Variants in CYP7B1 observed in about 807,000 individuals in gnomAD.
The protein encoded by CYP7B1 is cytochrome P450 family 7 subfamily B member 1, also known as cytochrome P450 7B1.
In CYP7B1, 29 loss-of-function variants were observed where a neutral mutation model predicts 42.7. That is an observed-to-expected ratio of 0.68 (90% CI 0.51 to 0.93). The LOEUF (loss-of-function observed/expected upper bound fraction) is 0.93, where lower values mean the gene tolerates loss of function less well. CYP7B1 is among the 40% of genes least tolerant of loss of function. The pLI is 0.00. For missense variants in CYP7B1, 655 were observed against 600.5 expected, an observed-to-expected ratio of 1.09 and a Z score of -0.95; for synonymous variants, 235 against 218.2, an observed-to-expected ratio of 1.08 and a Z score of -0.68.
At chr8:64,648,744 G>A (rs1390278889) in intron 1 of CYP7B1, among the ~76,000 whole-genome samples, 1 of 152,180 alleles carries the variant, frequency 6.6e-6, no homozygotes, top group Non-Finnish European at 1.5e-5. Flanking sequence ...TGTAGAAGAT[G>A]CTATACAACT....
intron 1 of CYP7B1, among the ~76,000 whole-genome samples, chr8:64,692,375 C>T (rs368992084): frequency 6.6e-6 from 1 of 152,186 alleles, no homozygotes; most frequent in African/African-American, 2.4e-5. Context: ...CTGACAAATT[C>T]AGACTCCAAG....
intron 1 of CYP7B1, among the ~76,000 whole-genome samples, chr8:64,727,079 A>G (rs1368130919): frequency 2.6e-5 from 4 of 152,068 alleles, no homozygotes; most frequent in African/African-American, 9.7e-5. Context: ...ATGAAGTCAC[A>G]CTCTGGGAGA....
chr8:64,735,794 C>T (rs112873729), intron 1 of CYP7B1, among the ~76,000 whole-genome samples: 2,094 of 152,138 alleles, frequency 0.014, 57 homozygotes, highest in African/African-American at 0.046. Flanking sequence ...AGATGGGATC[C>T]TGGGAAAACT....
intron 1 of CYP7B1, among the ~76,000 whole-genome samples, chr8:64,786,311 G>C (rs1195855778): frequency 6.6e-6 from 1 of 152,162 alleles, no homozygotes; most frequent in Non-Finnish European, 1.5e-5. Context: ...TTCTGCCTAT[G>C]AGCCTGTAAA....
At position 64,624,120 on chromosome 8, in the gene CYP7B1, A is replaced by T. The variant is rs12164145; in HGVS notation, c.259+283T>A. Reference sequence around the variant, plus strand: ...AGCTTTTGTATAGTTATATATATATATTTTTTTTTCTACCATTCTTAAAAC... The same window carrying T: ...AGCTTTTGTATAGTTATATATATATTTTTTTTTTTCTACCATTCTTAAAAC... On this transcript the variant is annotated intron_variant, in intron 2 of 5. Transcript: ENST00000310193. Among the ~76,000 whole-genome samples, 559 of 151,386 alleles carry T rather than the reference A, an allele frequency of 3.7e-3. 6 individuals carry two copies. The highest frequency in any genetic ancestry group is 0.017 in the Admixed American group (253 of 15,176).
chr8:64,648,284 T>C (rs1018725377), intron 1 of CYP7B1, among the ~76,000 whole-genome samples: 2 of 152,228 alleles, frequency 1.3e-5, no homozygotes, highest in Non-Finnish European at 1.5e-5. Context: ...CTTGTCATAA[T>C]TCGCCATTGA....
intron 1 of CYP7B1, among the ~76,000 whole-genome samples, chr8:64,760,271 GC>G (rs1807869352): frequency 1.3e-5 from 2 of 151,944 alleles, no homozygotes; most frequent in Admixed American, 1.3e-4. Context: ...CAAACATAAG[GC>G]CTGAAAAGCT....
At chr8:64,712,490 T>A (rs1585871485) in intron 1 of CYP7B1, among the ~76,000 whole-genome samples, 1 of 152,220 alleles carries the variant, frequency 6.6e-6, no homozygotes, top group East Asian at 1.9e-4. Flanking sequence ...CCACTTGATC[T>A]TGCATTTTAA....
chr8:64,628,965 C>T (rs1314755910), intron 1 of CYP7B1, among the ~76,000 whole-genome samples: 2 of 151,980 alleles, frequency 1.3e-5, no homozygotes, highest in African/African-American at 2.4e-5. Flanking sequence ...CAGTGGCTCA[C>T]GCCTGTAATC....
intron 1 of CYP7B1, among the ~76,000 whole-genome samples, chr8:64,651,595 T>C (rs1273318546): frequency 6.6e-6 from 1 of 152,186 alleles, no homozygotes; most frequent in East Asian, 1.9e-4. Context: ...TCCAGTGTGA[T>C]GGTATTTGGG....
At chr8:64,701,024 C>T (rs571356954) in intron 1 of CYP7B1, among the ~76,000 whole-genome samples, 1 of 152,104 alleles carries the variant, frequency 6.6e-6, no homozygotes, top group African/African-American at 2.4e-5. Flanking sequence ...AAACTTCACA[C>T]ATGCATGAAG....
intron 1 of CYP7B1, among the ~76,000 whole-genome samples, chr8:64,742,243 T>C (rs536370233): frequency 1.1e-4 from 17 of 151,732 alleles, no homozygotes; most frequent in Middle Eastern, 3.4e-3. Context: ...AGTTGATCAA[T>C]AGATAATCTT....
At chr8:64,755,140 C>T (rs541281824) in intron 1 of CYP7B1, among the ~76,000 whole-genome samples, 15 of 152,140 alleles carry the variant, frequency 9.9e-5, no homozygotes, top group African/African-American at 1.7e-4. Context: ...TTTGCCTCAC[C>T]GCAGGCTGAC....
chr8:64,692,409 C>T (rs958745130), intron 1 of CYP7B1, among the ~76,000 whole-genome samples: 4 of 152,192 alleles, frequency 2.6e-5, no homozygotes, highest in African/African-American at 9.7e-5. Context: ...CCCCGGTGCA[C>T]AGAGATGGAG....
intron 1 of CYP7B1, among the ~76,000 whole-genome samples, chr8:64,628,693 TAAATA>T (rs1341382493): frequency 1.3e-5 from 2 of 151,726 alleles, no homozygotes; most frequent in African/African-American, 2.4e-5. Flanking sequence ...CAAAATGAAA[TAAATA>T]AAATGAAATA....
chr8:64,691,492 G>GC lies in CYP7B1; in HGVS notation c.123-66954_123-66953insG, dbSNP rs1554532302. ...GGTTGCGATGGCAACTGGGGGGGGG[G>GC]GGTGGTGGTTAAAGCTGGAATGTGG... On this transcript the variant is annotated intron_variant, in intron 1 of 5. Transcript: ENST00000310193. 4.7e-4 allele frequency among the ~76,000 whole-genome samples: 70 copies of GC among 147,532 alleles called. 3 individuals carry two copies. Among genetic ancestry groups the GC allele is most frequent in the African/African-American group, 1.7e-3 (67 of 40,134 alleles).
At chr8:64,713,647 A>C (rs1807113197) in intron 1 of CYP7B1, among the ~76,000 whole-genome samples, 1 of 152,190 alleles carries the variant, frequency 6.6e-6, no homozygotes, top group Admixed American at 6.5e-5. Flanking sequence ...TTGAAGAAAT[A>C]GCAACAGAAA....
chr8:64,775,598 T>C (rs981282985), intron 1 of CYP7B1, among the ~76,000 whole-genome samples: 1 of 152,118 alleles, frequency 6.6e-6, no homozygotes, highest in Non-Finnish European at 1.5e-5. Context: ...TTGATTATCA[T>C]ATTAGTTGCT....
intron 1 of CYP7B1, among the ~76,000 whole-genome samples, chr8:64,696,919 G>A (rs111360792): frequency 7.2e-5 from 11 of 152,214 alleles, no homozygotes; most frequent in African/African-American, 2.6e-4. Context: ...TCAATTCTGG[G>A]TTTCTTGTAC....
Sources: allele counts gnomAD v4.1 joint callset (sites outside exome capture counted in the v4.1 genomes callset), GRCh38; gene constraint gnomAD v4.1.1; transcripts MANE v1.5; gene names NCBI Gene and HGNC (gene_info 2026-07-23, HGNC 2026-07-21).